Variants in GLO1 observed in about 807,000 individuals in gnomAD.
GLO1 encodes the protein glyoxalase I.
A neutral mutation model predicts 26.0 loss-of-function variants in GLO1; 28 were observed. That is an observed-to-expected ratio of 1.08 (90% CI 0.80 to 1.48). The LOEUF is 1.48. Among genes scored for constraint, GLO1 ranks in the 40% most tolerant of loss-of-function variants. The pLI, the probability that GLO1 is intolerant of heterozygous loss-of-function variation, is 0.00. For missense variants in GLO1, 225 were observed against 224.8 expected (o/e 1.00, Z -0.01); for synonymous variants, 78 against 77.6 (o/e 1.00, Z -0.03).
intron 1 of GLO1, 145 bp downstream of exon 1, chr6:38,702,826 A>G: frequency 1.8e-6 from 1 of 565,384 alleles, no homozygotes; most frequent in Non-Finnish European, 3.1e-6. Context: ...CGCCCCATCA[A>G]ACACCATTAT....
intron 2 of GLO1, among the ~76,000 whole-genome samples, chr6:38,685,680 C>G (rs1464238469): frequency 6.6e-6 from 1 of 152,198 alleles, no homozygotes; most frequent in African/African-American, 2.4e-5. Flanking sequence ...ATACTCCAAT[C>G]ATGAAAAACA....
At chr6:38,696,600 T>C (rs1225860191) in intron 1 of GLO1, among the ~76,000 whole-genome samples, 1 of 152,136 alleles carries the variant, frequency 6.6e-6, no homozygotes, top group African/African-American at 2.4e-5. Context: ...CATGAAGACT[T>C]TGTCCTCATG....
intron 1 of GLO1, among the ~76,000 whole-genome samples, chr6:38,689,949 C>T (rs540404422): frequency 2.0e-5 from 3 of 151,976 alleles, no homozygotes; most frequent in African/African-American, 4.8e-5. Context: ...CTCAGCCTCC[C>T]GAGTAGCTGG....
intron 2 of GLO1, among the ~76,000 whole-genome samples, chr6:38,686,134 T>C (rs976003022): frequency 6.6e-6 from 1 of 152,234 alleles, no homozygotes; most frequent in East Asian, 1.9e-4. Context: ...ACAGCAGTTA[T>C]CTCTGGGGAG....
chr6:38,683,835 C>T (rs560221172), intron 3 of GLO1, among the ~76,000 whole-genome samples: 3 of 151,866 alleles, frequency 2.0e-5, no homozygotes, highest in East Asian at 1.9e-4. Flanking sequence ...TGCAGTGAGC[C>T]GAGATCGCGC....
rs764516688 is a variant in GLO1 at position 38,682,757 on chromosome 6, A to G, written c.376+51T>C. ...TATTAAAATCATAATTATATACATA[A>G]TACAAAATCACACAAATCTACATAT... On this transcript the variant is annotated intron_variant, in intron 4 of 5. Coordinates refer to ENST00000373365, the MANE Select transcript of GLO1 (RefSeq NM_006708.3). 1.5e-5 allele frequency: 14 copies of G among 954,530 alleles called. No homozygotes were observed. In the East Asian group the frequency reaches 3.1e-4, roughly 21 times the overall value. The allele number at this position is 954,530 out of a possible 1,614,324, so 59.1% of individuals were successfully genotyped here.
chr6:38,685,082 T>C (rs1222049167), intron 2 of GLO1, among the ~76,000 whole-genome samples: 2 of 152,030 alleles, frequency 1.3e-5, no homozygotes, highest in Non-Finnish European at 2.9e-5. Flanking sequence ...GTATTAAGAC[T>C]AAGAAAAGGT....
At chr6:38,682,942 T>G in intron 3 of GLO1, 67 bp from the exon 4 acceptor site, 1 of 908,070 alleles carries the variant, frequency 1.1e-6, no homozygotes, top group Non-Finnish European at 1.8e-6. Flanking sequence ...GCAAGTAACA[T>G]CTTTGAAATC....
chr6:38,701,143 A>G (rs1004232758), intron 1 of GLO1, among the ~76,000 whole-genome samples: 15 of 152,218 alleles, frequency 9.9e-5, no homozygotes, highest in African/African-American at 3.6e-4. Context: ...TCAGCACCCC[A>G]GAAGCAGAAC....
At chr6:38,685,793 T>C (rs1761453120) in intron 2 of GLO1, among the ~76,000 whole-genome samples, 1 of 152,244 alleles carries the variant, frequency 6.6e-6, no homozygotes, top group African/African-American at 2.4e-5. Flanking sequence ...GCTGTTCAAA[T>C]CTTCCAGCTT....
At position 38,676,059 on chromosome 6, in the gene GLO1, C is replaced by T. The variant is rs192487325; in HGVS notation, c.*1236G>A. On this transcript the variant is annotated 3_prime_UTR_variant, in exon 6 of 6. Coordinates refer to ENST00000373365, the MANE Select transcript of GLO1 (RefSeq NM_006708.3). ...TAAAGTGCTTCTAGCAGTACAAGCA[C>T]GGTTGGCATGGCCTTTCCAAAGGTC... 19 of 152,282 alleles carry T rather than the reference C, an allele frequency of 1.2e-4. No individual in the cohort carries two copies. The East Asian group carries it at 2.9e-3, about 23-fold the overall frequency. 9.4% of individuals were successfully genotyped at this position (152,282 alleles called of 1,614,324 possible).
rs1315562736 is a variant in GLO1 at position 38,703,098 on chromosome 6, G to C, written c.-44C>G. On this transcript the variant is annotated 5_prime_UTR_variant, in exon 1 of 6. Transcript: ENST00000373365. ...CAGACGACGGGACCCAAGGAACGGA[G>C]GAGTCACCCACACTACGCCTCGGCC... The C allele has an allele frequency of 8.8e-7, 1 of 1,142,624 alleles. No individual in the cohort carries two copies. Among genetic ancestry groups the C allele is most frequent in the South Asian group, 1.3e-5 (1 of 78,772 alleles). The allele number at this position is 1,142,624 out of a possible 1,614,324, so 70.8% of individuals were successfully genotyped here. A position where few individuals can be genotyped will look rare whatever the true frequency, so the allele number is the denominator to read the frequency against.
intron 4 of GLO1, 106 bp downstream of exon 4, chr6:38,682,702 T>C (rs972652710): frequency 3.3e-6 from 2 of 601,758 alleles, no homozygotes; most frequent in African/African-American, 3.7e-5. Context: ...AAATTGATCA[T>C]ACTTAATTAG....
At chr6:38,693,685 C>CTCTCTCTCTCTCTATATATATA (rs869232489) in intron 1 of GLO1, among the ~76,000 whole-genome samples, 25 of 86,442 alleles carry the variant, frequency 2.9e-4, no homozygotes, top group Non-Finnish European at 4.1e-4. Context: ...CTCTCTCTCT[C>CTCTCTCTCTCTCTATATATATA]TATATATATA....
At chr6:38,695,902 AGTCTG>A (rs887140935) in intron 1 of GLO1, among the ~76,000 whole-genome samples, 1 of 152,112 alleles carries the variant, frequency 6.6e-6, no homozygotes, top group African/African-American at 2.4e-5. Context: ...TTCAGCTTCA[AGTCTG>A]GGCAATATGA....
chr6:38,690,446 C>T (rs554251062), intron 1 of GLO1, among the ~76,000 whole-genome samples: 5 of 152,024 alleles, frequency 3.3e-5, no homozygotes, highest in African/African-American at 1.2e-4. Context: ...AATGCTGCGT[C>T]GAGGTATATT....
intron 2 of GLO1, among the ~76,000 whole-genome samples, chr6:38,684,830 T>C (rs147668196): frequency 2.0e-5 from 3 of 152,336 alleles, no homozygotes; most frequent in African/African-American, 7.2e-5. Flanking sequence ...TTATTTGTAC[T>C]GAAAAATATA....
chr6:38,698,406 T>G (rs909736011), intron 1 of GLO1, among the ~76,000 whole-genome samples: 2 of 149,662 alleles, frequency 1.3e-5, no homozygotes, highest in East Asian at 3.9e-4. Flanking sequence ...ATCTACCTGA[T>G]TGGAGAGGGA....
chr6:38,690,498 T>G (rs1230932470), intron 1 of GLO1, among the ~76,000 whole-genome samples: 2 of 152,350 alleles, frequency 1.3e-5, no homozygotes, highest in Non-Finnish European at 2.9e-5. Context: ...CTAAGTCTAA[T>G]GGCATGGGAA....
Sources: gnomAD v4.1 joint callset for allele counts (sites outside exome capture counted in the v4.1 genomes callset) on GRCh38, gnomAD v4.1.1 for gene constraint, MANE v1.5 for transcripts, NCBI Gene and HGNC (gene_info 2026-07-23, HGNC 2026-07-21) for gene names.